The following HIBADH variants were observed in gnomAD, a reference collection of about 807,000 sequenced individuals.
The protein encoded by HIBADH is 3-hydroxyisobutyrate dehydrogenase, mitochondrial.
HIBADH carries 25 observed loss-of-function variants against 36.1 expected under a neutral mutation model. That is an observed-to-expected ratio of 0.69 (90% CI 0.50 to 0.97). The LOEUF (loss-of-function observed/expected upper bound fraction) is 0.97. Among genes scored for constraint, HIBADH ranks in the 50% least tolerant of loss-of-function variants. The pLI is 0.00. For synonymous variants in HIBADH, 160 were observed against 149.5 expected (o/e 1.07, Z -0.51); for missense variants, 421 against 418.0 (o/e 1.01, Z -0.06).
chr7:27,641,927 TGA>T (rs1232587346), intron 2 of HIBADH, among the ~76,000 whole-genome samples: 6 of 120,054 alleles, frequency 5.0e-5, no homozygotes, highest in African/African-American at 7.7e-5. Context: ...CTTAAGAGAA[TGA>T]GAGATGTGAG....
chr7:27,528,650 T>A (rs1783948537), intron 7 of HIBADH, among the ~76,000 whole-genome samples: 1 of 152,164 alleles, frequency 6.6e-6, no homozygotes, highest in Non-Finnish European at 1.5e-5. Context: ...TAGTAGTGAT[T>A]AGTTCATGAG....
intron 4 of HIBADH, among the ~76,000 whole-genome samples, chr7:27,595,888 G>C (rs1039778667): frequency 4.6e-5 from 7 of 151,916 alleles, no homozygotes; most frequent in Non-Finnish European, 7.4e-5. Context: ...GCTCAAACAA[G>C]ATCGTAATTT....
rs113063115 is a variant in HIBADH at position 27,542,918 on chromosome 7, T to A, written c.618+49A>T. 87 of 1,568,348 alleles carry A rather than the reference T, an allele frequency of 5.5e-5. No homozygotes were observed. In the African/African-American group the frequency reaches 9.1e-4, roughly 16 times the overall value. On this transcript the variant is annotated intron_variant, in intron 5 of 7. Transcript: ENST00000265395. ...ATGGTCAGGAAAGAGAAAGGAACAT[T>A]AGTCAATTTTACATCATCAAGTCAA...
intron 4 of HIBADH, among the ~76,000 whole-genome samples, chr7:27,559,363 T>C (rs532438515): frequency 6.6e-6 from 1 of 152,290 alleles, no homozygotes; most frequent in African/African-American, 2.4e-5. Flanking sequence ...GGCTCATGCC[T>C]ATAATGTCAG....
At chr7:27,596,198 T>C (rs1785029393) in intron 4 of HIBADH, among the ~76,000 whole-genome samples, 1 of 152,190 alleles carries the variant, frequency 6.6e-6, no homozygotes, top group Non-Finnish European at 1.5e-5. Flanking sequence ...CCTTGAATGC[T>C]GTGTCCTCTG....
At chr7:27,598,757 T>C (rs958544176) in intron 4 of HIBADH, among the ~76,000 whole-genome samples, 4 of 152,092 alleles carry the variant, frequency 2.6e-5, no homozygotes, top group East Asian at 1.9e-4. Context: ...AAATGCAATC[T>C]GCACTTTGCA....
intron 4 of HIBADH, among the ~76,000 whole-genome samples, chr7:27,591,963 A>G (rs1275835453): frequency 6.6e-6 from 1 of 152,144 alleles, no homozygotes; most frequent in Non-Finnish European, 1.5e-5. Flanking sequence ...TTTCCTCTCC[A>G]TTTACAACCA....
At chr7:27,539,076 A>T (rs1311643394) in intron 5 of HIBADH, among the ~76,000 whole-genome samples, 1 of 152,164 alleles carries the variant, frequency 6.6e-6, no homozygotes, top group Non-Finnish European at 1.5e-5. Flanking sequence ...CATGTCAGCT[A>T]TGAAAGCTAG....
intron 1 of HIBADH, among the ~76,000 whole-genome samples, chr7:27,652,809 T>G (rs6963421): frequency 0.76 from 115,243 of 152,070 alleles, 44,101 homozygotes; most frequent in East Asian, 0.94. Flanking sequence ...CCAAAGGGCC[T>G]AGCTCCTAAT....
At chr7:27,656,103 G>T (rs915445592) in intron 1 of HIBADH, among the ~76,000 whole-genome samples, 16 of 152,084 alleles carry the variant, frequency 1.1e-4, no homozygotes, top group African/African-American at 3.6e-4. Flanking sequence ...TTTCAGCTTT[G>T]TGAGCCATTG....
At chr7:27,536,731 G>C (rs761185971) in intron 6 of HIBADH, among the ~76,000 whole-genome samples, 45 of 152,084 alleles carry the variant, frequency 3.0e-4, no homozygotes, top group Non-Finnish European at 5.3e-4. Context: ...TCATCTTATA[G>C]TAAGAGTTCT....
intron 7 of HIBADH, among the ~76,000 whole-genome samples, chr7:27,529,895 C>T (rs1322865924): frequency 6.6e-6 from 1 of 152,192 alleles, no homozygotes; most frequent in Non-Finnish European, 1.5e-5. Context: ...TCAGCAACCG[C>T]CACCCTGGTC....
At chr7:27,591,780 C>T (rs1784944129) in intron 4 of HIBADH, among the ~76,000 whole-genome samples, 1 of 152,166 alleles carries the variant, frequency 6.6e-6, no homozygotes, top group African/African-American at 2.4e-5. Flanking sequence ...GTAAAAACAG[C>T]ATCTTTTAAA....
At chr7:27,641,934 T>G (rs766729058) in intron 2 of HIBADH, among the ~76,000 whole-genome samples, 10 of 86,670 alleles carry the variant, frequency 1.2e-4, no homozygotes, top group African/African-American at 3.3e-4. Context: ...GAATGAGAGA[T>G]GTGAGGAAGA....
At chr7:27,582,172 T>C (rs192237433) in intron 4 of HIBADH, among the ~76,000 whole-genome samples, 2 of 152,166 alleles carry the variant, frequency 1.3e-5, no homozygotes, top group Non-Finnish European at 2.9e-5. Flanking sequence ...GCTTTACAAG[T>C]ACACAATCCC....
At chr7:27,564,177 C>T (rs769691884) in intron 4 of HIBADH, among the ~76,000 whole-genome samples, 4 of 152,088 alleles carry the variant, frequency 2.6e-5, no homozygotes, top group African/African-American at 4.8e-5. Flanking sequence ...GGATTACAGG[C>T]GTGAGCCACC....
intron 4 of HIBADH, among the ~76,000 whole-genome samples, chr7:27,566,959 T>C (rs1220016054): frequency 6.6e-6 from 1 of 152,184 alleles, no homozygotes; most frequent in Non-Finnish European, 1.5e-5. Context: ...CAGGATACCA[T>C]CCATCTTGGT....
In HIBADH at chr7:27,531,295, C is replaced by T. The variant is rs367901321; in HGVS notation, c.749G>A (p.Arg250Gln). 5.0e-6 allele frequency: 8 copies of T among 1,613,714 alleles called. No homozygotes were observed. Among genetic ancestry groups the T allele is most frequent in the Non-Finnish European group, 6.8e-6 (8 of 1,179,852 alleles). The change falls in exon 7 of 8, where the codon CGG becomes CAG. Residue 250 changes from arginine to glutamine, a missense_variant. By Grantham distance (43) the Arg-to-Gln change is conservative. Coordinates refer to ENST00000265395, the MANE Select transcript of HIBADH (RefSeq NM_152740.4). ...LAKILNMSSG[R>Q]CWSSDTYNPV... The stretch of plus-strand genomic sequence containing the variant: ...ATTATAAGTGTCACTTGACCAACAC[C>T]GTCCTGAGCTCATATTTAGGATTTT...
intron 4 of HIBADH, among the ~76,000 whole-genome samples, chr7:27,553,355 C>T (rs960014300): frequency 6.6e-6 from 1 of 152,196 alleles, no homozygotes; most frequent in Non-Finnish European, 1.5e-5. Flanking sequence ...TCTTCTATCC[C>T]AAGTTGGCAG....
Sources: gnomAD v4.1 joint callset for allele counts (sites outside exome capture counted in the v4.1 genomes callset) on GRCh38, gnomAD v4.1.1 for gene constraint, MANE v1.5 for transcripts, NCBI Gene and HGNC (gene_info 2026-07-23, HGNC 2026-07-21) for gene names.